Variants in KIAA1549 observed in about 807,000 individuals in gnomAD.
KIAA1549 encodes UPF0606 protein KIAA1549.
A neutral mutation model predicts 156.4 loss-of-function variants in KIAA1549; 70 were observed. The ratio of observed to expected loss-of-function variants is 0.45; its 90% CI spans 0.37 to 0.55. The LOEUF (loss-of-function observed/expected upper bound fraction) is 0.55, where lower values mean the gene tolerates loss of function less well. Ranked by LOEUF, KIAA1549 falls within the 20% of genes least tolerant of loss-of-function variation. The probability of loss-of-function intolerance (pLI) is 0.00; values close to 1 mark genes in which losing one functional copy is unlikely to be tolerated. For missense variants in KIAA1549, 2,428 were observed against 2,540.9 expected, an observed-to-expected ratio of 0.96 and a Z score of 0.96; for synonymous variants, 1,103 against 1,066.4, an observed-to-expected ratio of 1.03 and a Z score of -0.67.
At chr7:138,940,337 C>CA (rs1813146261) in intron 1 of KIAA1549, among the ~76,000 whole-genome samples, 1 of 151,452 alleles carries the variant, frequency 6.6e-6, no homozygotes, top group Non-Finnish European at 1.5e-5. Flanking sequence ...CTACAAAGGA[C>CA]ATGAACTCAT....
intron 17 of KIAA1549, among the ~76,000 whole-genome samples, chr7:138,851,165 C>T (rs911234013): frequency 6.6e-6 from 1 of 152,136 alleles, no homozygotes; most frequent in Non-Finnish European, 1.5e-5. Flanking sequence ...TAGTTATTAA[C>T]ATTTAATGTA....
chr7:138,968,539 T>C (rs965918619), intron 1 of KIAA1549, among the ~76,000 whole-genome samples: 1 of 152,052 alleles, frequency 6.6e-6, no homozygotes, highest in Admixed American at 6.5e-5. Flanking sequence ...ATCCCAAGTA[T>C]AAAAAGCTAA....
chr7:138,919,895 G>A (rs1010144896), intron 1 of KIAA1549, among the ~76,000 whole-genome samples: 5 of 152,066 alleles, frequency 3.3e-5, no homozygotes, highest in Admixed American at 3.3e-4. Context: ...TCTCTTCAGT[G>A]ATAGGAGCTG....
chr7:138,968,693 AAAT>A (rs138233736), intron 1 of KIAA1549, among the ~76,000 whole-genome samples: 14,180 of 151,034 alleles, frequency 0.094, 744 homozygotes, highest in South Asian at 0.19. Context: ...TAAAAATACA[AAAT>A]AATAATAATA....
chr7:138,838,740 C>A (rs1295599382), intron 19 of KIAA1549, among the ~76,000 whole-genome samples: 5 of 152,024 alleles, frequency 3.3e-5, no homozygotes, highest in Non-Finnish European at 7.4e-5. Context: ...CTTAAATCTG[C>A]GTACTAAAAA....
At chr7:138,852,016 G>A (rs1810249173) in intron 17 of KIAA1549, among the ~76,000 whole-genome samples, 1 of 152,208 alleles carries the variant, frequency 6.6e-6, no homozygotes, top group African/African-American at 2.4e-5. Context: ...TCCTCAGCAG[G>A]AGAGTTGGTC....
Position 138,833,311 on chromosome 7 carries a change from C to T in KIAA1549, c.*4595G>A, listed in dbSNP as rs896193. 181,655 of 232,280 alleles carry T rather than the reference C, an allele frequency of 0.78. 72,311 individuals are homozygous for T. The highest frequency in any genetic ancestry group is 0.95 in the African/African-American group (43,143 of 45,390). The allele number at this position is 232,280 out of a possible 1,614,324, so 14.4% of individuals were successfully genotyped here. ...AAAGGGATGAGAGAGACTTATATAA[C>T]AACTAATTTGTGAATTACTGCCAAT... On this transcript the variant is annotated 3_prime_UTR_variant, in exon 20 of 20. Transcript: ENST00000422774.
Position 138,880,598 on chromosome 7 carries a change from G to C in KIAA1549, c.4229+790C>G, listed in dbSNP as rs548553537. 4.6e-5 allele frequency among the ~76,000 whole-genome samples: 7 copies of C among 152,264 alleles called. No homozygotes were observed. The East Asian group carries it at 5.8e-4, about 13-fold the overall frequency. On this transcript the variant is annotated intron_variant, in intron 11 of 19. Transcript: ENST00000422774. ...TCTTAGCAGGAAATCAGGATTTGGC[G>C]TTCCAAAGCTCAAAGAAAGGCTGAC...
intron 1 of KIAA1549, among the ~76,000 whole-genome samples, chr7:138,940,295 G>C (rs1295666111): frequency 6.6e-6 from 1 of 151,570 alleles, no homozygotes; most frequent in Non-Finnish European, 1.5e-5. Context: ...ATAGTTTGCT[G>C]AGAATGATGG....
chr7:138,892,581 T>A (rs996322191), intron 10 of KIAA1549, among the ~76,000 whole-genome samples: 7 of 152,172 alleles, frequency 4.6e-5, no homozygotes, highest in African/African-American at 1.7e-4. Context: ...ACTGTGTAAA[T>A]AATAAACAAA....
chr7:138,926,593 ATTC>A (rs1812727043), intron 1 of KIAA1549, among the ~76,000 whole-genome samples: 1 of 152,052 alleles, frequency 6.6e-6, no homozygotes, highest in Admixed American at 6.6e-5. Flanking sequence ...CCAACTTTTT[ATTC>A]TTCTTCTAGT....
At chr7:138,969,985 T>C (rs1208152398) in intron 1 of KIAA1549, among the ~76,000 whole-genome samples, 1 of 152,244 alleles carries the variant, frequency 6.6e-6, no homozygotes, top group Non-Finnish European at 1.5e-5. Context: ...AATCCAATTA[T>C]ACTAGCTGTT....
chr7:138,906,976 A>T lies in KIAA1549; in HGVS notation c.3403T>A (p.Leu1135Met). The T allele has an allele frequency of 6.2e-7, 1 of 1,613,156 alleles. No individual in the cohort carries two copies. Among genetic ancestry groups the T allele is most frequent in the Non-Finnish European group, 8.5e-7 (1 of 1,179,558 alleles). ...TAGAAACTGAACTCCACCACACTCA[A>T]GTTTCTGAGCAGCTCGCTCACTTCC... ...GSEVSELLRN[L>M]SVVEFSFYLG... Residue 1135 changes from leucine (L) to methionine (M), a missense_variant, in exon 6 of 20, where the codon TTG becomes ATG. Physicochemically the swap from Leu to Met is conservative, Grantham distance 15. This residue lies in a region of KIAA1549 where 762 missense variants were observed against 901.6 expected (regional missense o/e 0.85). Coordinates refer to ENST00000422774, the MANE Select transcript of KIAA1549 (RefSeq NM_001164665.2).
intron 8 of KIAA1549, among the ~76,000 whole-genome samples, chr7:138,903,335 G>A (rs1032529376): frequency 6.6e-6 from 1 of 152,142 alleles, no homozygotes; most frequent in African/African-American, 2.4e-5. Flanking sequence ...AGACAATTCT[G>A]CTCTGCTCTG....
chr7:138,917,568 G>T lies in KIAA1549; in HGVS notation c.2058C>A (p.Pro686=). 1 of 1,613,862 alleles carries T rather than the reference G, an allele frequency of 6.2e-7. No homozygotes were observed. The highest frequency in any genetic ancestry group is 8.5e-7 in the Non-Finnish European group (1 of 1,179,878). The change falls in exon 2 of 20, where the codon CCC becomes CCA. Residue 686 remains proline (P), a synonymous_variant. Coordinates refer to ENST00000422774, the MANE Select transcript of KIAA1549 (RefSeq NM_001164665.2). ...SDLQSSQLSL[P]SSTNLEFSQL... is the part of the protein sequence containing the mutation. Reference sequence around the variant, plus strand: ...GCGAAAACTCAAGATTTGTGGAACTGGGAAGAGACAGCTGAGATGACTGCA... The same window carrying T: ...GCGAAAACTCAAGATTTGTGGAACTTGGAAGAGACAGCTGAGATGACTGCA...
At chr7:138,855,056 T>A (rs907784153) in intron 16 of KIAA1549, among the ~76,000 whole-genome samples, 1 of 152,090 alleles carries the variant, frequency 6.6e-6, no homozygotes, top group African/African-American at 2.4e-5. Context: ...CAGCATTACA[T>A]TGCCACTTAG....
rs1016372801 is a variant in KIAA1549 at position 138,923,543 on chromosome 7, T to C, written c.188-4105A>G. Among the ~76,000 whole-genome samples the C allele has an allele frequency of 2.0e-5, 3 of 151,818 alleles. No homozygotes were observed. The South Asian group carries it at 6.2e-4, about 32-fold the overall frequency. On this transcript the variant is annotated intron_variant, in intron 1 of 19. Coordinates refer to ENST00000422774, the MANE Select transcript of KIAA1549 (RefSeq NM_001164665.2). Reference sequence around the variant, plus strand: ...TGAACCCGGGAGGTGGAGAATGCAGTGAGCTGAGATCATGCCATTGCACTC... The same window carrying C: ...TGAACCCGGGAGGTGGAGAATGCAGCGAGCTGAGATCATGCCATTGCACTC...
intron 1 of KIAA1549, among the ~76,000 whole-genome samples, chr7:138,930,628 C>T (rs971674185): frequency 6.6e-6 from 1 of 152,192 alleles, no homozygotes; most frequent in South Asian, 2.1e-4. Flanking sequence ...CTTCTGCAGC[C>T]TCCTTACCTT....
chr7:138,907,585 T>C (rs1215234535), intron 5 of KIAA1549, among the ~76,000 whole-genome samples: 1 of 152,164 alleles, frequency 6.6e-6, no homozygotes, highest in Non-Finnish European at 1.5e-5. Flanking sequence ...TCAGCAGGAA[T>C]GAGACCAAGA....
Sources: allele counts gnomAD v4.1 joint callset (sites outside exome capture counted in the v4.1 genomes callset), GRCh38; gene constraint gnomAD v4.1.1; regional missense constraint gnomAD v4.1.1; transcripts MANE v1.5; gene names NCBI Gene and HGNC (gene_info 2026-07-23, HGNC 2026-07-21).